ELFN1: variants seen among roughly 807,000 people sequenced by gnomAD.
ELFN1 encodes the protein extracellular leucine rich repeat and fibronectin type III domain containing 1.
A neutral mutation model predicts 7.6 loss-of-function variants in ELFN1; 6 were observed. That is an observed-to-expected ratio of 0.79 (90% confidence interval 0.43 to 1.56). The LOEUF (loss-of-function observed/expected upper bound fraction) is 1.56. Among genes scored for constraint, ELFN1 ranks in the 40% most tolerant of loss-of-function variants. The probability of loss-of-function intolerance (pLI) is 0.01; values close to 1 mark genes in which losing one functional copy is unlikely to be tolerated. For synonymous variants in ELFN1, 657 were observed against 588.1 expected (o/e 1.12, Z -1.70); for missense variants, 1,169 against 1,232.2 (o/e 0.95, Z 0.77).
chr7:1,716,898 G>T (rs1779850652), intron 3 of ELFN1, among the ~76,000 whole-genome samples: 2 of 152,184 alleles, frequency 1.3e-5, no homozygotes, highest in African/African-American at 4.8e-5. Context: ...ATCTGCAGGG[G>T]CCAGGGCGCA....
chr7:1,745,804 C>A lies in ELFN1; in HGVS notation c.1208C>A (p.Pro403His). 6.4e-7 allele frequency: 1 copy of A among 1,561,258 alleles called. No homozygotes were observed. Among genetic ancestry groups the A allele is most frequent in the Non-Finnish European group, 8.7e-7 (1 of 1,154,770 alleles). The change falls in exon 4 of 4, where the codon CCC (proline) becomes CAC (histidine). Residue 403 changes from proline to histidine, a missense_variant. By Grantham distance (77) the Pro-to-His change is moderately conservative. Coordinates refer to ENST00000424383, the MANE Select transcript of ELFN1 (RefSeq NM_001128636.4). ...CTCACCATCTGCTTGCCCCGGCTGC[C>A]CAGCCCGCCTGGTCCGGTGCCCAGC... ...TCLTICLPRL[P>H]SPPGPVPSPS...
rs1000045716 is a variant in ELFN1 at position 1,744,603 on chromosome 7, G to A, written c.7G>A (p.Gly3Arg). MA[G>R]RGWGALWVCV... Reference sequence around the variant, plus strand: ...TCCCTGCAGGGCGGTCCCGATGGCCGGGCGTGGGTGGGGCGCGCTGTGGGT... The same window carrying A: ...TCCCTGCAGGGCGGTCCCGATGGCCAGGCGTGGGTGGGGCGCGCTGTGGGT... The change falls in exon 4 of 4, where the codon GGG becomes AGG. Residue 3 changes from glycine to arginine, a missense_variant. This residue lies in a region of ELFN1 where 255 missense variants were observed against 359.6 expected (regional missense o/e 0.71). Coordinates refer to ENST00000424383, the MANE Select transcript of ELFN1 (RefSeq NM_001128636.4). The A allele has an allele frequency of 2.6e-5, 39 of 1,519,712 alleles. No individual in the cohort carries two copies. Among genetic ancestry groups the A allele is most frequent in the Non-Finnish European group, 3.0e-5 (34 of 1,134,650 alleles). The allele number at this position is 1,519,712 out of a possible 1,614,324, so 94.1% of individuals were successfully genotyped here. A position where few individuals can be genotyped will look rare whatever the true frequency, so the allele number is the denominator to read the frequency against.
intron 3 of ELFN1, among the ~76,000 whole-genome samples, chr7:1,709,466 C>T (rs766585976): frequency 2.6e-5 from 4 of 152,306 alleles, no homozygotes; most frequent in Admixed American, 1.3e-4. Flanking sequence ...GGGGTGGCCT[C>T]GGAATTGGAC....
intron 1 of ELFN1, among the ~76,000 whole-genome samples, chr7:1,676,522 C>T (rs777589132): frequency 1.3e-5 from 2 of 152,158 alleles, no homozygotes; most frequent in Non-Finnish European, 2.9e-5. Flanking sequence ...ATGGCTGACA[C>T]CAGTTCTGGA....
intron 3 of ELFN1, among the ~76,000 whole-genome samples, chr7:1,738,199 C>A (rs953226585): frequency 6.6e-6 from 1 of 152,192 alleles, no homozygotes; most frequent in Non-Finnish European, 1.5e-5. Flanking sequence ...TGTCCCATGG[C>A]GTGGCCTGTG....
chr7:1,713,289 C>T (rs1009796696), intron 3 of ELFN1, among the ~76,000 whole-genome samples: 3 of 152,222 alleles, frequency 2.0e-5, no homozygotes, highest in Admixed American at 6.5e-5. Context: ...CGCTTCCCAG[C>T]CCGGCCCACC....
At chr7:1,694,628 G>A (rs1779260536) in intron 2 of ELFN1, among the ~76,000 whole-genome samples, 1 of 152,220 alleles carries the variant, frequency 6.6e-6, no homozygotes, top group South Asian at 2.1e-4. Flanking sequence ...TCTCCTTGAA[G>A]GAGTCAGCTC....
At chr7:1,698,255 C>A (rs911335649) in intron 2 of ELFN1, among the ~76,000 whole-genome samples, 7 of 152,202 alleles carry the variant, frequency 4.6e-5, no homozygotes, top group Admixed American at 2.6e-4. Context: ...AAGCACTTAT[C>A]AAATTTACAG....
At chr7:1,679,409 G>A (rs913638226) in intron 1 of ELFN1, among the ~76,000 whole-genome samples, 1 of 152,164 alleles carries the variant, frequency 6.6e-6, no homozygotes, top group African/African-American at 2.4e-5. Flanking sequence ...CATCTGGGCC[G>A]TGGGCAGGGA....
rs1779257721 is a variant in ELFN1, at chr7:1,694,536, A to G, written c.-456+6386A>G. 1.3e-5 allele frequency among the ~76,000 whole-genome samples: 2 copies of G among 152,188 alleles called. 1 individual carries two copies. Among genetic ancestry groups the G allele is most frequent in the South Asian group, 4.1e-4 (2 of 4,828 alleles). The stretch of plus-strand genomic sequence containing the variant: ...TTCTAGAAAGATAGAGCTCTGGTCC[A>G]TCAGTCACTCAATAGGCCGGAGCTT... On this transcript the variant is annotated intron_variant, in intron 2 of 3. Transcript: ENST00000424383.
At position 1,725,523 on chromosome 7, in the gene ELFN1, G is replaced by C. The variant is rs570844931; in HGVS notation, c.-294+16271G>C. Among the ~76,000 whole-genome samples, 290 of 152,226 alleles carry C rather than the reference G, an allele frequency of 1.9e-3. 2 individuals carry two copies. The highest frequency in any genetic ancestry group is 0.014 in the South Asian group (66 of 4,816). Reference sequence around the variant, plus strand: ...GGAGCAGAACACAGGCCTCCCTCCCGGGCCGGCTGCCTCTCATTGACTAAG... The same window carrying C: ...GGAGCAGAACACAGGCCTCCCTCCCCGGCCGGCTGCCTCTCATTGACTAAG... On this transcript the variant is annotated intron_variant, in intron 3 of 3. Coordinates refer to ENST00000424383, the MANE Select transcript of ELFN1 (RefSeq NM_001128636.4).
chr7:1,680,916 ATT>A (rs1355701615), intron 1 of ELFN1, among the ~76,000 whole-genome samples: 1 of 151,672 alleles, frequency 6.6e-6, no homozygotes, highest in Admixed American at 6.6e-5. Context: ...TAGTTTTTGT[ATT>A]TTTAGTAAAG....
intron 2 of ELFN1, among the ~76,000 whole-genome samples, chr7:1,708,552 A>T (rs545200485): frequency 6.6e-6 from 1 of 152,292 alleles, no homozygotes; most frequent in African/African-American, 2.4e-5. Context: ...GGGAGGTGCC[A>T]GGGAGAGGGC....
chr7:1,705,217 G>T lies in ELFN1; in HGVS notation c.-455-3874G>T, dbSNP rs1223331754. On this transcript the variant is annotated intron_variant, in intron 2 of 3. Coordinates refer to ENST00000424383, the MANE Select transcript of ELFN1 (RefSeq NM_001128636.4). The surrounding 1 kb of genome is among the most constrained non-coding windows in gnomAD (Gnocchi z 4.3). ...GGTGGCAGGGACCCTGGGCGGGGCG[G>T]CACAGCTGTGCGGGAGGCTGGGCTG... Among the ~76,000 whole-genome samples the T allele has an allele frequency of 5.9e-5, 9 of 152,178 alleles. No homozygotes were observed. The highest frequency in any genetic ancestry group is 2.2e-4 in the African/African-American group (9 of 41,448).
At chr7:1,716,845 T>C (rs911548635) in intron 3 of ELFN1, among the ~76,000 whole-genome samples, 1 of 151,524 alleles carries the variant, frequency 6.6e-6, no homozygotes. Flanking sequence ...ACGGCAGCCA[T>C]GGAGGGGGAG....
intron 1 of ELFN1, among the ~76,000 whole-genome samples, chr7:1,671,240 C>T (rs1487636738): frequency 5.9e-5 from 9 of 151,616 alleles, no homozygotes; most frequent in Non-Finnish European, 1.2e-4. Context: ...GCTGTGTGAC[C>T]TTGGGGCAGG....
rs2128607898 is a variant in ELFN1 at position 1,747,347 on chromosome 7, G to T, written c.*264G>T. Reference sequence around the variant, plus strand: ...ACACACACACACACGAGGGACTTCGGAAAACTGTGTCTTAGGGATGGGGGG... The same window carrying T: ...ACACACACACACACGAGGGACTTCGTAAAACTGTGTCTTAGGGATGGGGGG... On this transcript the variant is annotated 3_prime_UTR_variant, in exon 4 of 4. Transcript: ENST00000424383. The T allele has an allele frequency of 2.0e-5, 4 of 195,236 alleles. No homozygotes were observed. The highest frequency in any genetic ancestry group is 1.1e-4 in the East Asian group (1 of 9,154). 12.1% of individuals were successfully genotyped at this position (195,236 alleles called of 1,614,324 possible).
chr7:1,701,076 T>TGCGTGTGTGTGTGC (rs1297379224), intron 2 of ELFN1, among the ~76,000 whole-genome samples: 3 of 152,072 alleles, frequency 2.0e-5, no homozygotes, highest in Non-Finnish European at 4.4e-5. Flanking sequence ...TGTGTATGTG[T>TGCGTGTGTGTGTGC]GCGTGTGTGT....
intron 1 of ELFN1, among the ~76,000 whole-genome samples, chr7:1,674,664 C>A (rs1007170675): frequency 6.6e-6 from 1 of 152,148 alleles, no homozygotes; most frequent in African/African-American, 2.4e-5. Context: ...GCCCTAATGT[C>A]TTCCTCTGCC....
Sources: allele counts gnomAD v4.1 joint callset (sites outside exome capture counted in the v4.1 genomes callset), GRCh38; gene constraint gnomAD v4.1.1; regional missense constraint gnomAD v4.1.1; non-coding constraint Gnocchi (gnomAD v3.1); transcripts MANE v1.5; gene names NCBI Gene and HGNC (gene_info 2026-07-23, HGNC 2026-07-21).